Variants in LOC400499 observed in about 807,000 individuals in gnomAD.
At chr16:11,471,715 T>C in the LOC400499 span, 3 of 399,064 alleles carry the variant, frequency 7.5e-6, no homozygotes, top group African/African-American at 2.1e-5. Context: ...GTCCCGTTTC[T>C]GCAGCGTCAC....
At chr16:11,445,930 T>C in the LOC400499 span, among the ~76,000 whole-genome samples, 2 of 145,866 alleles carry the variant, frequency 1.4e-5, no homozygotes, top group Non-Finnish European at 3.0e-5. Flanking sequence ...GCCTCCTGGG[T>C]TCTCCTGCCT....
chr16:11,398,303 GGGTCCCT>G, the LOC400499 span: 1 of 1,230,406 alleles, frequency 8.1e-7, no homozygotes, highest in Non-Finnish European at 1.0e-6. Flanking sequence ...CCCTCACCAT[GGGTCCCT>G]GGTCCTCCAG....
chr16:11,375,574 A>C, the LOC400499 span, among the ~76,000 whole-genome samples: 1 of 143,268 alleles, frequency 7.0e-6, no homozygotes, highest in African/African-American at 2.7e-5. Context: ...TGGCTTCCCA[A>C]AGTGCTGGGA....
chr16:11,464,409 G>C, the LOC400499 span, among the ~76,000 whole-genome samples: 1 of 152,236 alleles, frequency 6.6e-6, no homozygotes, highest in Non-Finnish European at 1.5e-5. Context: ...ACCCAAACCG[G>C]AACACTTTGC....
the LOC400499 span, among the ~76,000 whole-genome samples, chr16:11,393,158 C>CG: frequency 7.2e-6 from 1 of 138,808 alleles, no homozygotes; most frequent in South Asian, 2.2e-4. Flanking sequence ...CTGGCCACCC[C>CG]CCCCCCTTTT....
At chr16:11,520,527 C>T in the LOC400499 span, among the ~76,000 whole-genome samples, 2 of 152,114 alleles carry the variant, frequency 1.3e-5, no homozygotes, top group Admixed American at 6.5e-5. Flanking sequence ...CGTGGCGGAG[C>T]GCACCATGCA....
the LOC400499 span, chr16:11,500,762 G>T: frequency 2.5e-6 from 1 of 399,052 alleles, no homozygotes; most frequent in Admixed American, 4.4e-5. Flanking sequence ...CCAAGCCACG[G>T]AGGGAGGACA....
chr16:11,491,762 G>A, the LOC400499 span: 9 of 399,134 alleles, frequency 2.3e-5, no homozygotes, highest in Middle Eastern at 6.3e-4. Context: ...CCTCACTGGG[G>A]CATCTCATCA....
chr16:11,372,765 C>T, the LOC400499 span: 2 of 980,340 alleles, frequency 2.0e-6, no homozygotes, highest in Non-Finnish European at 2.4e-6. Flanking sequence ...AAAGTAAGAC[C>T]AGGCTATGGG....
the LOC400499 span, among the ~76,000 whole-genome samples, chr16:11,432,237 G>A: frequency 2.0e-5 from 3 of 152,230 alleles, no homozygotes; most frequent in Non-Finnish European, 2.9e-5. Context: ...AAGCCACACA[G>A]AACAGAACTG....
the LOC400499 span, chr16:11,478,710 C>T: frequency 1.0e-5 from 4 of 399,090 alleles, no homozygotes; most frequent in Non-Finnish European, 1.8e-5. Flanking sequence ...AGACAGGTCA[C>T]AAAGAACACA....
At chr16:11,431,360 C>T in the LOC400499 span, 1 of 397,796 alleles carries the variant, frequency 2.5e-6, no homozygotes, top group Non-Finnish European at 4.4e-6. Flanking sequence ...GCATCAGTTT[C>T]TCCTTCTGCA....
chr16:11,387,249 C>T, the LOC400499 span: 131 of 1,232,272 alleles, frequency 1.1e-4, 2 homozygotes, highest in South Asian at 3.7e-3. Context: ...TCCAGGGGCT[C>T]GTCCCCCGCA....
chr16:11,481,643 A>T, the LOC400499 span, among the ~76,000 whole-genome samples: 814 of 148,538 alleles, frequency 5.5e-3, 6 homozygotes, highest in Middle Eastern at 0.03. Context: ...TTTTATTTTT[A>T]TTTTTTTGAG....
the LOC400499 span, among the ~76,000 whole-genome samples, chr16:11,510,035 C>T: frequency 1.1e-5 from 1 of 94,724 alleles, no homozygotes; most frequent in Non-Finnish European, 2.5e-5. Flanking sequence ...CTTAATCTCT[C>T]TCATGCATTC....
At chr16:11,445,653 G>C in the LOC400499 span, among the ~76,000 whole-genome samples, 2 of 152,148 alleles carry the variant, frequency 1.3e-5, no homozygotes, top group African/African-American at 4.8e-5. Context: ...GGATGAGGCA[G>C]ATGCAGGCCA....
At chr16:11,412,011 C>T in the LOC400499 span, among the ~76,000 whole-genome samples, 5 of 152,110 alleles carry the variant, frequency 3.3e-5, no homozygotes, top group Admixed American at 2.0e-4. Context: ...TACAAGCATG[C>T]GTCACCATAC....
At chr16:11,510,902 G>A in the LOC400499 span, among the ~76,000 whole-genome samples, 9 of 151,580 alleles carry the variant, frequency 5.9e-5, no homozygotes, top group Non-Finnish European at 1.0e-4. Flanking sequence ...TTCTGAGTAT[G>A]CCTTTGGGAT....
the LOC400499 span, among the ~76,000 whole-genome samples, chr16:11,504,013 G>A: frequency 3.3e-5 from 5 of 152,176 alleles, no homozygotes; most frequent in African/African-American, 7.2e-5. Flanking sequence ...CCCTGGGTTC[G>A]GAAGACGTGT....
Sources: allele counts gnomAD v4.1 joint callset (sites outside exome capture counted in the v4.1 genomes callset), GRCh38; gene constraint gnomAD v4.1.1; transcripts MANE v1.5.